GLI2: variants seen among roughly 807,000 people sequenced by gnomAD.
The protein encoded by GLI2 is GLI family zinc finger 2.
GLI2 carries 22 observed loss-of-function variants against 78.9 expected under a neutral mutation model. That is an observed-to-expected ratio of 0.28 (90% CI 0.20 to 0.40). The LOEUF (loss-of-function observed/expected upper bound fraction) is 0.40. Among genes scored for constraint, GLI2 ranks in the 10% least tolerant of loss-of-function variants. The pLI is 1.00. For synonymous variants in GLI2, 974 were observed against 963.7 expected, an observed-to-expected ratio of 1.01 and a Z score of -0.20; for missense variants, 2,097 against 2,213.2, an observed-to-expected ratio of 0.95 and a Z score of 1.05.
At chr2:120,868,019 G>GC (rs922884011) in intron 2 of GLI2, among the ~76,000 whole-genome samples, 53 of 152,190 alleles carry the variant, frequency 3.5e-4, no homozygotes, top group Non-Finnish European at 4.7e-4. Flanking sequence ...GTTCTTTCCT[G>GC]CCCCCCCAGC....
At chr2:120,970,336 A>G in intron 6 of GLI2, 57 bp from the exon 7 acceptor site, 1 of 917,908 alleles carries the variant, frequency 1.1e-6, no homozygotes, top group Non-Finnish European at 1.8e-6. Flanking sequence ...AGGAAGTGTC[A>G]GCCTAAGAGA....
intron 2 of GLI2, among the ~76,000 whole-genome samples, chr2:120,926,814 A>G (rs965689531): frequency 1.4e-4 from 21 of 152,220 alleles, no homozygotes; most frequent in Admixed American, 3.9e-4. Flanking sequence ...ACAGATCCAC[A>G]TAGATGTCCA....
At chr2:120,854,811 C>T (rs1277615042) in intron 2 of GLI2, among the ~76,000 whole-genome samples, 1 of 152,244 alleles carries the variant, frequency 6.6e-6, no homozygotes, top group Non-Finnish European at 1.5e-5. Flanking sequence ...TCCTGAGTTT[C>T]TGACTCAGTA....
chr2:120,803,816 T>C (rs908289486), intron 2 of GLI2, among the ~76,000 whole-genome samples: 2 of 152,224 alleles, frequency 1.3e-5, no homozygotes, highest in African/African-American at 4.8e-5. Context: ...TATGTATTTT[T>C]AATACGCTTC....
chr2:120,888,129 C>T (rs1677504531), intron 2 of GLI2, among the ~76,000 whole-genome samples: 1 of 152,236 alleles, frequency 6.6e-6, no homozygotes, highest in African/African-American at 2.4e-5. Flanking sequence ...TTCTTTCTGT[C>T]TGGCTGGATG....
chr2:120,846,738 C>T (rs889035368), intron 2 of GLI2, among the ~76,000 whole-genome samples: 3 of 152,230 alleles, frequency 2.0e-5, no homozygotes, highest in Non-Finnish European at 4.4e-5. Flanking sequence ...CCTTTCCCTT[C>T]AAAGCCAGTT....
At chr2:120,937,335 G>A (rs1680246325) in intron 3 of GLI2, among the ~76,000 whole-genome samples, 1 of 152,138 alleles carries the variant, frequency 6.6e-6, no homozygotes, top group Admixed American at 6.5e-5. Flanking sequence ...GACTTTTAGA[G>A]TATCTATCAC....
At chr2:120,928,863 G>A (rs4848648) in intron 3 of GLI2, among the ~76,000 whole-genome samples, 146,172 of 152,344 alleles carry the variant, frequency 0.96, 70,162 homozygotes, top group East Asian at 1. Flanking sequence ...TCAAATGTGG[G>A]CATCTTACAT....
At chr2:120,757,788 T>C (rs1683077331) in intron 1 of GLI2, among the ~76,000 whole-genome samples, 1 of 152,194 alleles carries the variant, frequency 6.6e-6, no homozygotes, top group African/African-American at 2.4e-5. Context: ...CCCTGTGCCG[T>C]GGCCTGGAAA....
intron 2 of GLI2, among the ~76,000 whole-genome samples, chr2:120,892,686 G>A (rs749118626): frequency 2.6e-5 from 4 of 152,202 alleles, no homozygotes; most frequent in Non-Finnish European, 4.4e-5. Flanking sequence ...CTTAACAAAT[G>A]TCTATGGCAG....
intron 3 of GLI2, among the ~76,000 whole-genome samples, chr2:120,939,559 A>G (rs1680356620): frequency 6.6e-6 from 1 of 152,204 alleles, no homozygotes; most frequent in Non-Finnish European, 1.5e-5. Flanking sequence ...ACATGGAATC[A>G]TTGCAGAGGT....
At chr2:120,858,560 A>G (rs1486536733) in intron 2 of GLI2, among the ~76,000 whole-genome samples, 7 of 152,108 alleles carry the variant, frequency 4.6e-5, no homozygotes, top group Non-Finnish European at 1.0e-4. Flanking sequence ...CCTGGGCAGG[A>G]TGGGGGAAGA....
chr2:120,790,704 C>T (rs969001212), intron 1 of GLI2, among the ~76,000 whole-genome samples: 1 of 152,198 alleles, frequency 6.6e-6, no homozygotes, highest in Non-Finnish European at 1.5e-5. Flanking sequence ...GTGCTGCTCT[C>T]TGGGGCTCTG....
intron 2 of GLI2, among the ~76,000 whole-genome samples, chr2:120,815,724 G>A (rs981083501): frequency 1.6e-4 from 24 of 152,206 alleles, no homozygotes; most frequent in Admixed American, 1.4e-3. Flanking sequence ...TAGAATCACC[G>A]TGAGAGACTT....
chr2:120,855,353 CTTGG>C (rs1341237024), intron 2 of GLI2, among the ~76,000 whole-genome samples: 1 of 152,200 alleles, frequency 6.6e-6, no homozygotes, highest in Non-Finnish European at 1.5e-5. Flanking sequence ...ACTCAAGAAA[CTTGG>C]TTGGTCAGGT....
intron 5 of GLI2, among the ~76,000 whole-genome samples, chr2:120,955,639 G>A (rs866453407): frequency 4.6e-5 from 7 of 152,212 alleles, no homozygotes; most frequent in Non-Finnish European, 8.8e-5. Flanking sequence ...TGTAAGCATC[G>A]CAGACACCAC....
intron 5 of GLI2, among the ~76,000 whole-genome samples, 164 bp downstream of exon 5, chr2:120,955,594 C>T (rs1403903632): frequency 1.3e-5 from 2 of 152,192 alleles, no homozygotes; most frequent in African/African-American, 4.8e-5. Context: ...AATCTTTGGA[C>T]AACACTTACT....
At chr2:120,899,081 T>G (rs187072907) in intron 2 of GLI2, among the ~76,000 whole-genome samples, 3 of 152,224 alleles carry the variant, frequency 2.0e-5, no homozygotes, top group Admixed American at 2.0e-4. Flanking sequence ...CACTGGGTCC[T>G]TCACTGGAAA....
intron 2 of GLI2, among the ~76,000 whole-genome samples, chr2:120,813,699 C>G (rs1685366296): frequency 6.6e-6 from 1 of 152,216 alleles, no homozygotes; most frequent in Non-Finnish European, 1.5e-5. Flanking sequence ...TCCTCCATCT[C>G]TTGCCATTCT....
Sources: allele counts gnomAD v4.1 joint callset (sites outside exome capture counted in the v4.1 genomes callset), GRCh38; gene constraint gnomAD v4.1.1; transcripts MANE v1.5; gene names NCBI Gene and HGNC (gene_info 2026-07-23, HGNC 2026-07-21).